SIK3: variants seen among roughly 807,000 people sequenced by gnomAD.
SIK3 encodes SIK family kinase 3.
Under a neutral mutation model 144.2 loss-of-function variants are expected in SIK3, and 28 were observed. The ratio of observed to expected loss-of-function variants is 0.19; its 90% CI spans 0.14 to 0.27. SIK3 has a LOEUF of 0.27. Among genes scored for constraint, SIK3 ranks in the 10% least tolerant of loss-of-function variants. The probability of loss-of-function intolerance (pLI) is 1.00; values close to 1 mark genes in which losing one functional copy is unlikely to be tolerated. For missense variants in SIK3, 1,319 were observed against 1,776.0 expected (o/e 0.74, Z 4.62); for synonymous variants, 686 against 676.3 (o/e 1.01, Z -0.22).
chr11:117,005,788 C>A (rs1413215293), intron 1 of SIK3, among the ~76,000 whole-genome samples: 1 of 152,078 alleles, frequency 6.6e-6, no homozygotes, highest in East Asian at 1.9e-4. Flanking sequence ...AAAATGACCC[C>A]AGGAAAGATG....
chr11:117,019,762 T>C (rs1951690538), intron 1 of SIK3, among the ~76,000 whole-genome samples: 1 of 152,176 alleles, frequency 6.6e-6, no homozygotes, highest in Admixed American at 6.5e-5. Flanking sequence ...TACAGGCGCG[T>C]GCCACCACGC....
chr11:116,897,377 C>T, intron 4 of SIK3, 60 bp from the exon 5 acceptor site: 1 of 1,458,736 alleles, frequency 6.9e-7, no homozygotes, highest in Non-Finnish European at 9.5e-7. Context: ...ACTGAGCAAA[C>T]ACTAGTCTCT....
At chr11:116,950,340 A>C in intron 3 of SIK3, 1 of 333,232 alleles carries the variant, frequency 3.0e-6, no homozygotes, top group South Asian at 2.2e-5. Flanking sequence ...TTGTTTTCGA[A>C]TAAACTTCTG....
At chr11:117,067,940 C>T (rs1209648952) in intron 1 of SIK3, among the ~76,000 whole-genome samples, 4 of 151,936 alleles carry the variant, frequency 2.6e-5, no homozygotes, top group Admixed American at 1.3e-4. Flanking sequence ...GCCGAGATCG[C>T]GCCACTGCAC....
chr11:117,002,998 G>C (rs1950908696), intron 1 of SIK3, among the ~76,000 whole-genome samples: 1 of 152,216 alleles, frequency 6.6e-6, no homozygotes, highest in Non-Finnish European at 1.5e-5. Flanking sequence ...AAAGCAGTCA[G>C]TGTTCTGCCT....
chr11:116,988,926 A>G (rs1000393014), intron 1 of SIK3, among the ~76,000 whole-genome samples: 8 of 151,818 alleles, frequency 5.3e-5, no homozygotes, highest in Non-Finnish European at 8.8e-5. Flanking sequence ...CAATGAACCT[A>G]AATACTGGAA....
At chr11:116,854,007 G>A (rs752182951) in intron 21 of SIK3, among the ~76,000 whole-genome samples, 1 of 152,296 alleles carries the variant, frequency 6.6e-6, no homozygotes, top group Non-Finnish European at 1.5e-5. Flanking sequence ...GTGGCAAATC[G>A]CCATCAAGGA....
At chr11:117,037,221 T>C (rs1482155017) in intron 1 of SIK3, among the ~76,000 whole-genome samples, 1 of 152,088 alleles carries the variant, frequency 6.6e-6, no homozygotes, top group East Asian at 1.9e-4. Context: ...CAGCATGACA[T>C]GAAAAATCTA....
intron 1 of SIK3, among the ~76,000 whole-genome samples, chr11:117,018,714 TTA>T (rs1951636428): frequency 7.5e-6 from 1 of 132,812 alleles, no homozygotes; most frequent in African/African-American, 3.3e-5. Flanking sequence ...TTATTTTATT[TTA>T]TTTATTTTTT....
At chr11:116,881,457 G>A (rs116537510) in intron 6 of SIK3, among the ~76,000 whole-genome samples, 1 of 152,334 alleles carries the variant, frequency 6.6e-6, no homozygotes, top group Admixed American at 6.5e-5. Context: ...TGTGGGGAGA[G>A]AGCTGCTGTA....
chr11:116,932,962 G>C (rs1200526207), intron 3 of SIK3, among the ~76,000 whole-genome samples: 1 of 151,860 alleles, frequency 6.6e-6, no homozygotes, highest in Non-Finnish European at 1.5e-5. Flanking sequence ...TTAGAGGTAG[G>C]GTTTCACCAA....
intron 1 of SIK3, among the ~76,000 whole-genome samples, chr11:117,001,441 G>GGTTGCAGTGAGCTGAGATC (rs1467077416): frequency 1.3e-5 from 2 of 152,114 alleles, no homozygotes; most frequent in Non-Finnish European, 2.9e-5. Flanking sequence ...AGGAGGTGGA[G>GGTTGCAGTGAGCTGAGATC]GTTGCAGTGA....
chr11:116,942,056 A>T (rs567409699), intron 3 of SIK3, among the ~76,000 whole-genome samples: 13 of 152,324 alleles, frequency 8.5e-5, no homozygotes, highest in East Asian at 3.9e-4. Context: ...AAGTCTATTT[A>T]TTACACTGCT....
At chr11:116,984,706 C>CACACA (rs11440261) in intron 1 of SIK3, among the ~76,000 whole-genome samples, 3,680 of 152,014 alleles carry the variant, frequency 0.024, 79 homozygotes, top group South Asian at 0.11. Context: ...CACACACACA[C>CACACA]CACAGACACC....
chr11:116,860,212 C>G (rs1943241828), intron 19 of SIK3, among the ~76,000 whole-genome samples: 1 of 151,864 alleles, frequency 6.6e-6, no homozygotes, highest in Non-Finnish European at 1.5e-5. Flanking sequence ...CCACTGCACT[C>G]CAGCCTGGGT....
rs528405922 is a variant in SIK3, at chr11:116,855,083, C to CAAAAAAAAA, written c.3655+2718_3655+2726dup. On this transcript the variant is annotated intron_variant, in intron 21 of 24. Transcript: ENST00000445177. The stretch of plus-strand genomic sequence containing the variant: ...CATGGGTGACAGTGTGAGACTCTGC[C>CAAAAAAAAA]AAAAAAAAAAAAAAAAAAAAAAAAA... Among the ~76,000 whole-genome samples the CAAAAAAAAA allele has an allele frequency of 3.1e-3, 252 of 82,076 alleles. 34 individuals carry two copies. Among genetic ancestry groups the CAAAAAAAAA allele is most frequent in the African/African-American group, 0.017 (241 of 13,880 alleles). 53.8% of individuals were successfully genotyped at this position (82,076 alleles called of 152,430 possible).
At chr11:117,087,963 C>G (rs1226208461) in intron 1 of SIK3, among the ~76,000 whole-genome samples, 2 of 152,166 alleles carry the variant, frequency 1.3e-5, no homozygotes, top group South Asian at 4.1e-4. Context: ...GGCGTGATGG[C>G]TCACACCCGT....
chr11:116,944,408 G>T (rs1305553130), intron 3 of SIK3, among the ~76,000 whole-genome samples: 1 of 152,144 alleles, frequency 6.6e-6, no homozygotes, highest in Non-Finnish European at 1.5e-5. Context: ...GTGACTTGAC[G>T]TGTGGGCTTT....
intron 1 of SIK3, among the ~76,000 whole-genome samples, chr11:117,061,249 T>C (rs573446374): frequency 8.6e-5 from 13 of 151,740 alleles, no homozygotes; most frequent in East Asian, 3.9e-4. Context: ...TCTCAAAAAA[T>C]AGATAAAATA....
Sources: gnomAD v4.1 joint callset for allele counts (sites outside exome capture counted in the v4.1 genomes callset) on GRCh38, gnomAD v4.1.1 for gene constraint, MANE v1.5 for transcripts, NCBI Gene and HGNC (gene_info 2026-07-23, HGNC 2026-07-21) for gene names.